The following ZNF841 variants were observed in gnomAD, a reference collection of about 807,000 sequenced individuals.
The protein encoded by ZNF841 is TCONS_00006091.
In ZNF841, 11 loss-of-function variants were observed where a neutral mutation model predicts 13.0. The ratio of observed to expected loss-of-function variants is 0.85; its 90% confidence interval spans 0.53 to 1.40. The LOEUF (loss-of-function observed/expected upper bound fraction) is 1.40, where lower values mean the gene tolerates loss of function less well. ZNF841 is among the 40% of genes most tolerant of loss of function. The pLI is 0.00. For synonymous variants in ZNF841, 369 were observed against 381.6 expected (o/e 0.97, Z 0.38); for missense variants, 1,068 against 1,139.5 (o/e 0.94, Z 0.90).
Position 52,080,273 on chromosome 19 carries a change from A to G in ZNF841, c.16-3189T>C, listed in dbSNP as rs185864945. On this transcript the variant is annotated intron_variant, in intron 4 of 6. Transcript: ENST00000594440. ...AATCCCCAAACTCTCCAGTCACCAC[A>G]GTGAAATGATTTTAACAACAATTCA... 3.3e-5 allele frequency among the ~76,000 whole-genome samples: 5 copies of G among 152,326 alleles called. No homozygotes were observed. The East Asian group carries it at 9.6e-4, about 29-fold the overall frequency.
intron 6 of ZNF841, among the ~76,000 whole-genome samples, chr19:52,068,743 G>C (rs1329773945): frequency 1.3e-5 from 2 of 151,042 alleles, no homozygotes; most frequent in East Asian, 3.9e-4. Context: ...GGCCAAGGTG[G>C]GCAGATCACT....
chr19:52,088,286 A>G (rs2088357144), intron 3 of ZNF841, among the ~76,000 whole-genome samples: 1 of 152,196 alleles, frequency 6.6e-6, no homozygotes, highest in African/African-American at 2.4e-5. Context: ...CGATAGAACA[A>G]TATGAGTTTG....
intron 3 of ZNF841, among the ~76,000 whole-genome samples, chr19:52,085,421 G>A (rs553487991): frequency 6.6e-6 from 1 of 152,358 alleles, no homozygotes; most frequent in African/African-American, 2.4e-5. Context: ...GGCAAGACTA[G>A]CACAGCCCCA....
intron 2 of ZNF841, among the ~76,000 whole-genome samples, chr19:52,091,865 T>C (rs748766149): frequency 6.6e-6 from 1 of 152,114 alleles, no homozygotes; most frequent in Admixed American, 6.5e-5. Flanking sequence ...AACTAAAAAG[T>C]TTGGCCAGGC....
In ZNF841 at chr19:52,066,409, G is replaced by C; in HGVS notation, c.1473C>G (p.Gly491=). Reference sequence around the variant, plus strand: ...GATGTGAATGTTGACTGAAGACCTTGCCACATTCATTACATTTGTAGGGTT... The same window carrying C: ...GATGTGAATGTTGACTGAAGACCTTCCCACATTCATTACATTTGTAGGGTT... ...GEKPYKCNEC[G]KVFSQHSHLA... The change falls in exon 7 of 7, where the codon GGC becomes GGG. Residue 491 remains glycine (G), a synonymous_variant. Coordinates refer to ENST00000594440, the MANE Select transcript of ZNF841 (RefSeq NM_001136499.2). 1.2e-6 allele frequency: 2 copies of C among 1,614,004 alleles called. No homozygotes were observed.
chr19:52,064,071 G>A (rs1418101314), downstream of ZNF841, among the ~76,000 whole-genome samples: 2 of 152,036 alleles, frequency 1.3e-5, no homozygotes, highest in Non-Finnish European at 2.9e-5. Flanking sequence ...CTGGCCGGGC[G>A]CAGTGGCTCA....
In ZNF841 at chr19:52,065,921, T is replaced by G; in HGVS notation, c.1961A>C (p.Lys654Thr). 6.2e-7 allele frequency: 1 copy of G among 1,614,182 alleles called. No individual in the cohort carries two copies. Among genetic ancestry groups the G allele is most frequent in the Non-Finnish European group, 8.5e-7 (1 of 1,180,038 alleles). The change falls in exon 7 of 7, where the codon AAA becomes ACA. Residue 654 changes from lysine to threonine, a missense_variant. Lys to Thr is a moderately conservative substitution (Grantham distance 78). Transcript: ENST00000594440. ...RKIHTGEKPY[K>T]CNDCGKAYTQ... ...ATAGGCTTTGCCACAATCATTACAT[T>G]TATAAGGTTTCTCTCCGGTATGAAT...
Position 52,065,373 on chromosome 19 carries a change from C to T in ZNF841, c.2509G>A (p.Val837Ile). The T allele has an allele frequency of 6.2e-7, 1 of 1,607,540 alleles. No individual in the cohort carries two copies. Among genetic ancestry groups the T allele is most frequent in the South Asian group, 1.1e-5 (1 of 90,574 alleles). ...CCAGTATGGTTTCTCTGATGGTAAA[C>T]CAAGTTTGACCTTTCGATAAAAGCT... ...GKAFIERSNL[V>I]YHQRNHTGEK... Residue 837 changes from valine to isoleucine, a missense_variant, in exon 7 of 7, where the codon GTT (valine) becomes ATT (isoleucine). Coordinates refer to ENST00000594440, the MANE Select transcript of ZNF841 (RefSeq NM_001136499.2).
At chr19:52,059,271 A>G in the ZNF841 span, among the ~76,000 whole-genome samples, 2 of 147,070 alleles carry the variant, frequency 1.4e-5, no homozygotes, top group Non-Finnish European at 3.0e-5. Context: ...AATGGCAAGA[A>G]CCCGAGAGGT....
At chr19:52,069,069 A>G (rs1377181748) in intron 6 of ZNF841, among the ~76,000 whole-genome samples, 4 of 152,096 alleles carry the variant, frequency 2.6e-5, no homozygotes, top group African/African-American at 7.2e-5. Flanking sequence ...CTATGTATTC[A>G]TTGTCTTTTT....
chr19:52,082,061 A>G (rs2088117924), intron 4 of ZNF841, among the ~76,000 whole-genome samples: 1 of 152,218 alleles, frequency 6.6e-6, no homozygotes, highest in Non-Finnish European at 1.5e-5. Flanking sequence ...ACCATCAAGC[A>G]TCAAGAACGT....
At chr19:52,060,506 T>A (rs917185022), downstream of ZNF841, among the ~76,000 whole-genome samples, 6 of 152,174 alleles carry the variant, frequency 3.9e-5, no homozygotes, top group Non-Finnish European at 5.9e-5. Flanking sequence ...TCGTTTTTGT[T>A]TTTCTGAGTC....
At chr19:52,090,611 A>AAAG (rs2088437987) in intron 2 of ZNF841, among the ~76,000 whole-genome samples, 1 of 129,512 alleles carries the variant, frequency 7.7e-6, no homozygotes, top group Non-Finnish European at 1.6e-5. Flanking sequence ...GTCTCTTAAA[A>AAAG]AAAGAAAGAA....
chr19:52,087,362 C>A lies in ZNF841; in HGVS notation c.-78+1575G>T, dbSNP rs1006402019. On this transcript the variant is annotated intron_variant, in intron 3 of 6. Coordinates refer to ENST00000594440, the MANE Select transcript of ZNF841 (RefSeq NM_001136499.2). ...GTTATTTTTCCTGATCATCTCCCTC[C>A]TCCCACCTTCCACTCTCAGGTAGAT... Among the ~76,000 whole-genome samples the A allele has an allele frequency of 9.2e-4, 140 of 152,180 alleles. 2 individuals carry two copies. The highest frequency in any genetic ancestry group is 9.1e-3 in the Admixed American group (139 of 15,272).
chr19:52,065,336 T>C lies in ZNF841; in HGVS notation c.2546A>G (p.Tyr849Cys). The C allele has an allele frequency of 6.2e-7, 1 of 1,609,632 alleles. No homozygotes were observed. The change falls in exon 7 of 7, where the codon TAC (tyrosine) becomes TGC (cysteine). Residue 849 changes from tyrosine (Y) to cysteine (C), a missense_variant. Transcript: ENST00000594440. ...HQRNHTGEKP[Y>C]KCMECGKAFG... ...CGCCTTGCCACATTCCATACATTTG[T>C]ATGGCTTCTCTCCAGTATGGTTTCT...
At chr19:52,071,668 G>C (rs1335998128) in intron 6 of ZNF841, among the ~76,000 whole-genome samples, 4 of 151,974 alleles carry the variant, frequency 2.6e-5, no homozygotes, top group Non-Finnish European at 5.9e-5. Flanking sequence ...AATCTAAAGT[G>C]TTTTCTGTAA....
chr19:52,085,783 G>A (rs373438227), intron 3 of ZNF841, among the ~76,000 whole-genome samples: 6 of 152,286 alleles, frequency 3.9e-5, no homozygotes, highest in African/African-American at 1.4e-4. Flanking sequence ...AGGTCAGAGA[G>A]GTTCTGGGGA....
chr19:52,066,776 C>T lies in ZNF841; in HGVS notation c.1106G>A (p.Gly369Glu). 3 of 1,613,840 alleles carry T rather than the reference C, an allele frequency of 1.9e-6. No homozygotes were observed. Among genetic ancestry groups the T allele is most frequent in the Non-Finnish European group, 2.5e-6 (3 of 1,179,864 alleles). Residue 369 changes from glycine (G) to glutamate (E), a missense_variant, in exon 7 of 7, where the codon GGA becomes GAA. By Grantham distance (98) the Gly-to-Glu change is moderately conservative. Coordinates refer to ENST00000594440, the MANE Select transcript of ZNF841 (RefSeq NM_001136499.2). Reference protein sequence around the residue: ...HLAVHQRIHTGEKPYKCNRCG... With the variant: ...HLAVHQRIHTEEKPYKCNRCG... ...TCGATTACATTTGTAAGGTTTCTCT[C>T]CAGTATGAATTCTCTGATGAACTGC...
the ZNF841 span, among the ~76,000 whole-genome samples, chr19:52,059,441 TA>T: frequency 1.4e-5 from 2 of 147,192 alleles, no homozygotes; most frequent in African/African-American, 5.1e-5. Context: ...GCATGTGTTC[TA>T]TCAATATGTA....
Sources: gnomAD v4.1 joint callset for allele counts (sites outside exome capture counted in the v4.1 genomes callset) on GRCh38, gnomAD v4.1.1 for gene constraint, MANE v1.5 for transcripts, NCBI Gene and HGNC (gene_info 2026-07-23, HGNC 2026-07-21) for gene names.